CD55: variants seen among roughly 807,000 people sequenced by gnomAD.
The protein encoded by CD55 is complement decay-accelerating factor.
Under a neutral mutation model 45.8 loss-of-function variants are expected in CD55, and 41 were observed. That is an observed-to-expected ratio of 0.90 (90% CI 0.70 to 1.16). The LOEUF is 1.16. Ranked by LOEUF, CD55 falls within the 50% of genes most tolerant of loss-of-function variation. The pLI, the probability that CD55 is intolerant of heterozygous loss-of-function variation, is 0.00. For missense variants in CD55, 416 were observed against 469.8 expected, an observed-to-expected ratio of 0.89 and a Z score of 1.06; for synonymous variants, 181 against 181.1, an observed-to-expected ratio of 1.00 and a Z score of 0.01.
intron 9 of CD55, chr1:207,347,636 A>G (rs1430337856): frequency 5.3e-6 from 1 of 188,022 alleles, no homozygotes; most frequent in African/African-American, 2.4e-5. Context: ...ACATGGGTAA[A>G]TTGTGTGTCA....
intron 8 of CD55, among the ~76,000 whole-genome samples, chr1:207,338,746 T>G (rs1655290790): frequency 6.6e-6 from 1 of 152,122 alleles, no homozygotes; most frequent in African/African-American, 2.4e-5. Flanking sequence ...ATTTTATAGA[T>G]GAGGAATTAG....
At chr1:207,349,171 A>T (rs895920089) in intron 9 of CD55, among the ~76,000 whole-genome samples, 1 of 151,656 alleles carries the variant, frequency 6.6e-6, no homozygotes, top group Admixed American at 6.6e-5. Context: ...GGCCCTTTTT[A>T]AAAATTTTGT....
At chr1:207,335,207 T>C (rs1157535942) in intron 6 of CD55, among the ~76,000 whole-genome samples, 1 of 152,058 alleles carries the variant, frequency 6.6e-6, no homozygotes, top group Non-Finnish European at 1.5e-5. Flanking sequence ...CACACCTATC[T>C]CAATAGCTAA....
chr1:207,360,607 G>T lies in CD55; in HGVS notation c.*997G>T, dbSNP rs993540155. 6.6e-6 allele frequency: 1 copy of T among 152,096 alleles called. No homozygotes were observed. The highest frequency in any genetic ancestry group is 2.4e-5 in the African/African-American group (1 of 41,422). 9.4% of individuals were successfully genotyped at this position (152,096 alleles called of 1,614,324 possible). A position where few individuals can be genotyped will look rare whatever the true frequency, so the allele number is the denominator to read the frequency against. On this transcript the variant is annotated 3_prime_UTR_variant, in exon 10 of 10. Coordinates refer to ENST00000367064, the MANE Select transcript of CD55 (RefSeq NM_000574.5). Reference sequence around the variant, plus strand: ...CAGTTCAGAATGCCATGCCTTGGTTGTCCTAGTGTGAATAATTTTCAGCTA... The same window carrying T: ...CAGTTCAGAATGCCATGCCTTGGTTTTCCTAGTGTGAATAATTTTCAGCTA...
chr1:207,331,347 A>G (rs368202199), intron 6 of CD55, 51 bp downstream of exon 6: 147 of 1,422,796 alleles, frequency 1.0e-4, no homozygotes, highest in Non-Finnish European at 1.4e-4. Flanking sequence ...CCTCAGGTCT[A>G]TATGTGGGTT....
chr1:207,353,065 T>TTTG (rs1553271887), intron 9 of CD55, among the ~76,000 whole-genome samples: 1 of 104,122 alleles, frequency 9.6e-6, no homozygotes, highest in East Asian at 2.8e-4. Flanking sequence ...TTTTTTTTTT[T>TTTG]GGATGGGGGA....
In CD55 at chr1:207,343,615, G is replaced by T. The variant is rs181206589; in HGVS notation, c.1081+4198G>T. Among the ~76,000 whole-genome samples the T allele has an allele frequency of 3.9e-5, 6 of 152,262 alleles. No homozygotes were observed. In the East Asian group the frequency reaches 7.7e-4, roughly 20 times the overall value. Reference sequence around the variant, plus strand: ...TAACATATGTTCTATTCTGGAGATTGTTTCATGTGCCATTGAGAAAATTCT... The same window carrying T: ...TAACATATGTTCTATTCTGGAGATTTTTTCATGTGCCATTGAGAAAATTCT... On this transcript the variant is annotated intron_variant, in intron 9 of 9. Transcript: ENST00000367064.
intron 1 of CD55, 58 bp from the exon 2 acceptor site, chr1:207,322,324 C>T (rs764220870): frequency 8.3e-6 from 12 of 1,438,464 alleles, no homozygotes; most frequent in African/African-American, 4.2e-5. Context: ...GTCTTGAAAA[C>T]AGCAACTGTG....
In CD55 at chr1:207,322,567, C is replaced by A; in HGVS notation, c.286C>A (p.Arg96Ser). ...QWSDIEEFCN[R>S]SCEVPTRLNS... ...GTCAGATATTGAAGAGTTCTGCAAT[C>A]GTAAGTTCTTCATCTTTTTAGAAAA... is the stretch of plus-strand genomic sequence containing the variant. Residue 96 changes from arginine to serine, a missense_variant and splice_region_variant, in exon 2 of 10, where the codon CGT (arginine) becomes AGT (serine). Coordinates refer to ENST00000367064, the MANE Select transcript of CD55 (RefSeq NM_000574.5). 2 of 1,593,894 alleles carry A rather than the reference C, an allele frequency of 1.3e-6. No individual in the cohort carries two copies. The highest frequency in any genetic ancestry group is 2.3e-5 in the South Asian group (2 of 87,714).
In CD55 at chr1:207,326,745, G is replaced by C; in HGVS notation, c.579-7G>C. 1 of 1,609,864 alleles carries C rather than the reference G, an allele frequency of 6.2e-7. No homozygotes were observed. The highest frequency in any genetic ancestry group is 8.5e-7 in the Non-Finnish European group (1 of 1,176,414). Reference sequence around the variant, plus strand: ...ACAAACTCTTTTTTCTTCCCCTGTTGCTTTAGGTACAAATTATTTGGCTCG... The same window carrying C: ...ACAAACTCTTTTTTCTTCCCCTGTTCCTTTAGGTACAAATTATTTGGCTCG... On this transcript the variant is annotated splice_polypyrimidine_tract_variant and splice_region_variant and intron_variant, in intron 4 of 9. Coordinates refer to ENST00000367064, the MANE Select transcript of CD55 (RefSeq NM_000574.5).
At chr1:207,332,252 T>C (rs924639477) in intron 6 of CD55, among the ~76,000 whole-genome samples, 1 of 152,178 alleles carries the variant, frequency 6.6e-6, no homozygotes, top group Admixed American at 6.5e-5. Context: ...TTCATTTATC[T>C]AACCAGTCCT....
intron 9 of CD55, among the ~76,000 whole-genome samples, chr1:207,344,504 C>G (rs1655553426): frequency 6.6e-6 from 1 of 152,046 alleles, no homozygotes; most frequent in African/African-American, 2.4e-5. Flanking sequence ...GATAACTTTC[C>G]TAATCCTTGG....
rs781148225 is a variant in CD55, at chr1:207,324,617, T to A, written c.345T>A (p.Thr115=). 2 of 1,612,030 alleles carry A rather than the reference T, an allele frequency of 1.2e-6. No individual in the cohort carries two copies. The highest frequency in any genetic ancestry group is 1.7e-6 in the Non-Finnish European group (2 of 1,179,018). ...NSASLKQPYI[T]QNYFPVGTVV... The stretch of plus-strand genomic sequence containing the variant: ...CATCCCTCAAACAGCCTTATATCAC[T>A]CAGAATTATTTTCCAGTCGGTACTG... The change falls in exon 3 of 10, where the codon ACT becomes ACA. Residue 115 remains threonine, a synonymous_variant. Coordinates refer to ENST00000367064, the MANE Select transcript of CD55 (RefSeq NM_000574.5).
At chr1:207,325,745 C>T (rs769110255) in intron 4 of CD55, 24 bp downstream of exon 4, 5 of 1,378,362 alleles carry the variant, frequency 3.6e-6, no homozygotes, top group Non-Finnish European at 5.1e-6. Context: ...TACTAAAACC[C>T]TGTATTTAGG....
At chr1:207,330,285 T>G (rs1654883377) in intron 5 of CD55, among the ~76,000 whole-genome samples, 1 of 151,334 alleles carries the variant, frequency 6.6e-6, no homozygotes. Context: ...GTATGTTTGG[T>G]GTAACATAAT....
At position 207,324,557 on chromosome 1, in the gene CD55, A is replaced by C; in HGVS notation, c.287-2A>C. Reference sequence around the variant, plus strand: ...TGTTGCTGCTTTTGTTAATACTTTTAGGTAGCTGCGAGGTGCCAACAAGGC... The same window carrying C: ...TGTTGCTGCTTTTGTTAATACTTTTCGGTAGCTGCGAGGTGCCAACAAGGC... On this transcript the variant is annotated splice_acceptor_variant, in intron 2 of 9. Coordinates refer to ENST00000367064, the MANE Select transcript of CD55 (RefSeq NM_000574.5). LOFTEE classifies it high-confidence loss of function. 1 of 1,545,348 alleles carries C rather than the reference A, an allele frequency of 6.5e-7. No homozygotes were observed. Among genetic ancestry groups the C allele is most frequent in the Non-Finnish European group, 8.7e-7 (1 of 1,145,558 alleles).
At chr1:207,323,305 G>GGA (rs1305031659) in intron 2 of CD55, among the ~76,000 whole-genome samples, 1 of 151,246 alleles carries the variant, frequency 6.6e-6, no homozygotes, top group Non-Finnish European at 1.5e-5. Context: ...ATATATATAG[G>GGA]GAGAGAGAGA....
rs28371606 is a variant in CD55, at chr1:207,327,823, C to T, written c.664+986C>T. Reference sequence around the variant, plus strand: ...GCCATTAAGGAGCCTGTCCCTGCCACACCCACCATGTGCCCTTCTTTTTGA... The same window carrying T: ...GCCATTAAGGAGCCTGTCCCTGCCATACCCACCATGTGCCCTTCTTTTTGA... On this transcript the variant is annotated intron_variant, in intron 5 of 9. Transcript: ENST00000367064. Among the ~76,000 whole-genome samples, 645 of 152,336 alleles carry T rather than the reference C, an allele frequency of 4.2e-3. 4 individuals are homozygous for T. Among genetic ancestry groups the T allele is most frequent in the African/African-American group, 0.015 (628 of 41,574 alleles).
intron 9 of CD55, chr1:207,347,231 A>G (rs1415012063): frequency 4.4e-6 from 2 of 453,776 alleles, no homozygotes; most frequent in Non-Finnish European, 8.8e-6. Flanking sequence ...AACATGTAGC[A>G]TTCATGGATA....
Sources: gnomAD v4.1 joint callset for allele counts (sites outside exome capture counted in the v4.1 genomes callset) on GRCh38, gnomAD v4.1.1 for gene constraint, MANE v1.5 for transcripts, NCBI Gene and HGNC (gene_info 2026-07-23, HGNC 2026-07-21) for gene names.